RAD51B: variants seen among roughly 807,000 people sequenced by gnomAD.
The protein encoded by RAD51B is DNA repair protein RAD51 homolog 2.
In RAD51B, 38 loss-of-function variants were observed where a neutral mutation model predicts 42.2. That is an observed-to-expected ratio of 0.90 (90% CI 0.70 to 1.18). RAD51B has a LOEUF of 1.18. Ranked by LOEUF, RAD51B falls within the 50% of genes most tolerant of loss-of-function variation. The probability of loss-of-function intolerance (pLI) is 0.00; values close to 1 mark genes in which losing one functional copy is unlikely to be tolerated. For missense variants in RAD51B, 373 were observed against 400.7 expected (o/e 0.93, Z 0.59); for synonymous variants, 154 against 145.2 (o/e 1.06, Z -0.43).
At chr14:68,053,427 A>C (rs971103318) in intron 7 of RAD51B, among the ~76,000 whole-genome samples, 1 of 152,196 alleles carries the variant, frequency 6.6e-6, no homozygotes, top group Non-Finnish European at 1.5e-5. Flanking sequence ...TCTGTTTGGA[A>C]TATCTTTAGT....
At chr14:68,431,367 A>G (rs192971446) in intron 9 of RAD51B, among the ~76,000 whole-genome samples, 104 of 152,314 alleles carry the variant, frequency 6.8e-4, no homozygotes, top group African/African-American at 2.4e-3. Context: ...TTCGGCTGTG[A>G]ATCCATCTGG....
chr14:68,147,802 A>AT (rs894185622), intron 7 of RAD51B, among the ~76,000 whole-genome samples: 10 of 62,866 alleles, frequency 1.6e-4, no homozygotes, highest in East Asian at 1.9e-3. Context: ...AGCAAGGGAA[A>AT]TTAAAAAAAA....
intron 9 of RAD51B, among the ~76,000 whole-genome samples, chr14:68,436,214 G>C (rs2085144320): frequency 6.6e-6 from 1 of 152,252 alleles, no homozygotes; most frequent in South Asian, 2.1e-4. Flanking sequence ...AAATGTAGGG[G>C]TCTAGTTTTA....
intron 5 of RAD51B, 83 bp from the exon 6 acceptor site, chr14:67,885,786 C>T (rs1487774623): frequency 1.3e-6 from 2 of 1,493,870 alleles, no homozygotes; most frequent in East Asian, 2.3e-5. Context: ...AGGAGTTTCT[C>T]AAGTAAAATT....
intron 8 of RAD51B, among the ~76,000 whole-genome samples, chr14:68,363,041 C>T (rs79905734): frequency 1.3e-5 from 2 of 148,634 alleles, no homozygotes; most frequent in African/African-American, 2.4e-5. Context: ...TGAAAATAGG[C>T]GGAGCCTTTG....
At chr14:68,558,499 C>A (rs1195971634) in intron 10 of RAD51B, among the ~76,000 whole-genome samples, 2 of 152,220 alleles carry the variant, frequency 1.3e-5, no homozygotes, top group Admixed American at 1.3e-4. Flanking sequence ...CTCCTAAAGG[C>A]TGTGGGGAAG....
At chr14:68,285,145 T>C (rs755029336) in intron 7 of RAD51B, among the ~76,000 whole-genome samples, 26 of 152,168 alleles carry the variant, frequency 1.7e-4, no homozygotes, top group Non-Finnish European at 3.4e-4. Context: ...TCTCAAACCT[T>C]AGTGATGAAA....
chr14:68,555,448 G>T (rs1278964030), intron 10 of RAD51B, among the ~76,000 whole-genome samples: 1 of 152,102 alleles, frequency 6.6e-6, no homozygotes, highest in African/African-American at 2.4e-5. Flanking sequence ...GATCTTGGAG[G>T]GTATTTCCAG....
At chr14:67,963,418 T>C (rs910019025) in intron 7 of RAD51B, among the ~76,000 whole-genome samples, 1 of 152,172 alleles carries the variant, frequency 6.6e-6, no homozygotes, top group Non-Finnish European at 1.5e-5. Flanking sequence ...GTGTATTTTT[T>C]GTAGTATTTG....
At chr14:68,543,369 A>G (rs952367397) in intron 10 of RAD51B, among the ~76,000 whole-genome samples, 2 of 152,220 alleles carry the variant, frequency 1.3e-5, no homozygotes, top group African/African-American at 2.4e-5. Flanking sequence ...TTTGAAGTCA[A>G]CACTTTTATT....
Position 67,885,988 on chromosome 14 carries a change from G to T in RAD51B, c.572G>T (p.Arg191Met). 1 of 1,573,722 alleles carries T rather than the reference G, an allele frequency of 6.4e-7. No homozygotes were observed. The highest frequency in any genetic ancestry group is 8.7e-7 in the Non-Finnish European group (1 of 1,153,282). The change falls in exon 6 of 11, where the codon AGG becomes ATG. Residue 191 changes from arginine to methionine, a missense_variant and splice_region_variant. By Grantham distance (91) the Arg-to-Met change is moderately conservative. Transcript: ENST00000471583. ...RELTCDEVLQRIESLEEEIIS... is the reference protein window; with the variant it reads ...RELTCDEVLQMIESLEEEIIS... Reference sequence around the variant, plus strand: ...CTCACCTGTGATGAAGTTCTACAAAGGTATGCTGCTTTAGATTTTGATTTT... The same window carrying T: ...CTCACCTGTGATGAAGTTCTACAAATGTATGCTGCTTTAGATTTTGATTTT...
intron 8 of RAD51B, among the ~76,000 whole-genome samples, chr14:68,353,836 C>T (rs1379186187): frequency 5.9e-5 from 9 of 152,234 alleles, no homozygotes; most frequent in Non-Finnish European, 1.5e-5. Context: ...TTCCCCTCCA[C>T]ACTCCACATA....
chr14:68,012,273 G>A (rs763350098), intron 7 of RAD51B, among the ~76,000 whole-genome samples: 1 of 151,876 alleles, frequency 6.6e-6, no homozygotes, highest in Non-Finnish European at 1.5e-5. Context: ...AATAAAGATG[G>A]GTTTATTAAT....
chr14:68,420,543 A>G (rs1168904325), intron 9 of RAD51B, among the ~76,000 whole-genome samples: 1 of 152,094 alleles, frequency 6.6e-6, no homozygotes, highest in East Asian at 1.9e-4. Context: ...TAGACCATAT[A>G]CGGTAACTTC....
intron 8 of RAD51B, among the ~76,000 whole-genome samples, chr14:68,294,372 A>G (rs1385951160): frequency 1.3e-5 from 2 of 152,174 alleles, no homozygotes; most frequent in Non-Finnish European, 1.5e-5. Context: ...GAAGGTTTTT[A>G]TTAGTGGATT....
intron 8 of RAD51B, among the ~76,000 whole-genome samples, chr14:68,381,351 T>C (rs999287495): frequency 1.3e-5 from 2 of 152,292 alleles, no homozygotes; most frequent in Non-Finnish European, 2.9e-5. Flanking sequence ...CTAGTTCCCT[T>C]AAACTGATCA....
chr14:68,004,789 T>A (rs2075552573), intron 7 of RAD51B, among the ~76,000 whole-genome samples: 1 of 152,084 alleles, frequency 6.6e-6, no homozygotes, highest in Non-Finnish European at 1.5e-5. Context: ...GACCACCTAC[T>A]CCAGTTTCTA....
chr14:68,421,292 T>TG (rs2084692433), intron 9 of RAD51B, among the ~76,000 whole-genome samples: 1 of 152,066 alleles, frequency 6.6e-6, no homozygotes, highest in Non-Finnish European at 1.5e-5. Flanking sequence ...CTGCTGTTGC[T>TG]GGGGGAGTAT....
intron 7 of RAD51B, among the ~76,000 whole-genome samples, chr14:68,289,205 TAATAAC>T (rs1378571398): frequency 6.6e-6 from 1 of 152,200 alleles, no homozygotes; most frequent in Non-Finnish European, 1.5e-5. Context: ...CTGAAGGAAA[TAATAAC>T]AATAACAACA....
Sources: gnomAD v4.1 joint callset for allele counts (sites outside exome capture counted in the v4.1 genomes callset) on GRCh38, gnomAD v4.1.1 for gene constraint, MANE v1.5 for transcripts, NCBI Gene and HGNC (gene_info 2026-07-23, HGNC 2026-07-21) for gene names.